WIZ: variants seen among roughly 807,000 people sequenced by gnomAD.
WIZ encodes the protein protein Wiz.
In WIZ, 25 loss-of-function variants were observed where a neutral mutation model predicts 140.2. That is an observed-to-expected ratio of 0.18 (90% CI 0.13 to 0.25). The LOEUF is 0.25. Among genes scored for constraint, WIZ ranks in the 10% least tolerant of loss-of-function variants. WIZ has a pLI of 1.00. For missense variants in WIZ, 2,231 were observed against 2,632.6 expected (o/e 0.85, Z 3.34); for synonymous variants, 1,125 against 1,154.3 (o/e 0.97, Z 0.51).
At chr19:15,433,976 C>T (rs1222761939) in intron 5 of WIZ, among the ~76,000 whole-genome samples, 5 of 152,166 alleles carry the variant, frequency 3.3e-5, no homozygotes, top group Non-Finnish European at 5.9e-5. Context: ...CCGAAGGGGC[C>T]GGGTGCGGTG....
At chr19:15,434,658 C>G (rs1158961062) in intron 5 of WIZ, among the ~76,000 whole-genome samples, 2 of 152,204 alleles carry the variant, frequency 1.3e-5, no homozygotes, top group African/African-American at 2.4e-5. Flanking sequence ...GGCGATACCC[C>G]CTGTTCAGAC....
chr19:15,427,152 C>A lies in WIZ; in HGVS notation c.4196G>T (p.Arg1399Leu), dbSNP rs1372364515. Residue 1399 changes from arginine to leucine, a missense_variant, in exon 9 of 13, where the codon CGA becomes CTA. Around this residue, in one of 15 missense-constraint regions of WIZ, gnomAD observed 393 missense variants for 451.7 expected, o/e 0.87. Coordinates refer to ENST00000673675, the MANE Select transcript of WIZ (RefSeq NM_001371589.1). This position sits in a 1 kb window ranked among gnomAD's most constrained non-coding sequence, Gnocchi z 6.4. ...TGCAGCCAGGCCTGGGAACATCTTT[C>A]GGGCCGTAGGAGGAGGAGAGGCAGT... ...SPTASPPPTA[R>L]KMFPGLAAPS... 6 of 1,614,178 alleles carry A rather than the reference C, an allele frequency of 3.7e-6. No homozygotes were observed. The East Asian group carries it at 8.9e-5, about 24-fold the overall frequency.
chr19:15,447,937 C>T (rs1225623121), intron 2 of WIZ, among the ~76,000 whole-genome samples, 166 bp downstream of exon 2: 1 of 152,152 alleles, frequency 6.6e-6, no homozygotes, highest in Non-Finnish European at 1.5e-5. Flanking sequence ...CACCTGTTTT[C>T]ACAACTGTCA....
At chr19:15,446,774 G>A (rs1202181455) in intron 2 of WIZ, among the ~76,000 whole-genome samples, 4 of 152,180 alleles carry the variant, frequency 2.6e-5, no homozygotes, top group African/African-American at 7.2e-5. Context: ...GTCATAACAC[G>A]GTATCATAAC....
Position 15,429,576 on chromosome 19 carries a change from C to T in WIZ, c.3415+10G>A. 7.3e-7 allele frequency: 1 copy of T among 1,363,840 alleles called. No homozygotes were observed. The highest frequency in any genetic ancestry group is 1.9e-5 in the South Asian group (1 of 52,592). The allele number at this position is 1,363,840 out of a possible 1,614,324, so 84.5% of individuals were successfully genotyped here. ...CAGAACCTCCCTCGGCTCTTGGGAC[C>T]CACACTCACTGAGGTTCAAGGGCCC... On this transcript the variant is annotated intron_variant, in intron 7 of 12. Transcript: ENST00000673675.
chr19:15,443,455 T>C (rs1829351577), intron 2 of WIZ, among the ~76,000 whole-genome samples: 1 of 152,174 alleles, frequency 6.6e-6, no homozygotes, highest in Non-Finnish European at 1.5e-5. Flanking sequence ...CTCTCTCTCC[T>C]GGCCCTTCAA....
intron 9 of WIZ, 90 bp downstream of exon 9, chr19:15,426,892 C>A (rs1968857403): frequency 8.1e-6 from 12 of 1,476,264 alleles, no homozygotes; most frequent in South Asian, 2.7e-5. Context: ...CCTTCCAATT[C>A]AACCCTAGGC....
At chr19:15,430,288 A>G (rs1969148256) in intron 6 of WIZ, among the ~76,000 whole-genome samples, 199 bp from the exon 7 acceptor site, 1 of 152,210 alleles carries the variant, frequency 6.6e-6, no homozygotes, top group Non-Finnish European at 1.5e-5. Context: ...AGAAACTGAG[A>G]CTCAGAGAGG....
Position 15,439,087 on chromosome 19 carries a change from G to C in WIZ, c.1907C>G (p.Pro636Arg). Residue 636 changes from proline to arginine, a missense_variant, in exon 4 of 13, where the codon CCT becomes CGT. Pro to Arg is a moderately radical substitution (Grantham distance 103). This residue lies in a region of WIZ where 475 missense variants were observed against 520.2 expected (regional missense o/e 0.91). Transcript: ENST00000673675. This position sits in a 1 kb window ranked among gnomAD's most constrained non-coding sequence, Gnocchi z 7.0. ...VVLTSEMDFSPENGVFSPLAT... is the reference protein window; with the variant it reads ...VVLTSEMDFSRENGVFSPLAT... ...TAGGGGTGAAAAGACCCCATTTTCA[G>C]GGGAAAAATCCATCTCGGAGGTCAG... 1.3e-6 allele frequency: 2 copies of C among 1,486,050 alleles called. No individual in the cohort carries two copies. The highest frequency in any genetic ancestry group is 2.6e-5 in the South Asian group (2 of 77,692). 92.1% of individuals were successfully genotyped at this position (1,486,050 alleles called of 1,614,324 possible).
intron 9 of WIZ, 22 bp from the exon 10 acceptor site, chr19:15,425,790 GGGA>G (rs1458161961): frequency 8.6e-6 from 12 of 1,393,792 alleles, no homozygotes; most frequent in Non-Finnish European, 1.1e-5. Flanking sequence ...CCAGGGTAGG[GGGA>G]AGGAGGAGGA....
intron 1 of WIZ, chr19:15,449,362 C>T (rs897572070): frequency 6.6e-6 from 1 of 152,268 alleles, no homozygotes; most frequent in African/African-American, 2.4e-5. Flanking sequence ...CTACCCAGGC[C>T]CGGAGGAAGC....
chr19:15,423,222 C>G lies in WIZ; in HGVS notation c.5524G>C (p.Glu1842Gln). 6.2e-7 allele frequency: 1 copy of G among 1,613,614 alleles called. No homozygotes were observed. Among genetic ancestry groups the G allele is most frequent in the Non-Finnish European group, 8.5e-7 (1 of 1,179,886 alleles). ...TGGATGGAGAGGGGGCCCTGGAATT[C>G]CACCTCACAGAACCTGCATGGGGGA... ...YTLKCRFCEV[E>Q]FQGPLSIQEE... Residue 1842 changes from glutamate (E) to glutamine (Q), a missense_variant, in exon 13 of 13, where the codon GAA (glutamate) becomes CAA (glutamine). Coordinates refer to ENST00000673675, the MANE Select transcript of WIZ (RefSeq NM_001371589.1).
Position 15,423,130 on chromosome 19 carries a change from T to G in WIZ, c.5616A>C (p.Pro1872=). The G allele has an allele frequency of 6.2e-7, 1 of 1,612,492 alleles. No homozygotes were observed. The highest frequency in any genetic ancestry group is 1.1e-5 in the South Asian group (1 of 91,002). The change falls in exon 13 of 13, where the codon CCA becomes CCC. Residue 1872 remains proline (P), a synonymous_variant. Coordinates refer to ENST00000673675, the MANE Select transcript of WIZ (RefSeq NM_001371589.1). ...CCTGCGGGGCCTGGGACTCCTCAGG[T>G]GGGGGGTCCGCTTTGGAGAAGTTCA... The part of the protein sequence containing the change: ...LEMNFSKADP[P]PEESQAPQAQ...
rs973507660 is a variant in WIZ at position 15,422,992 on chromosome 19, AG to A, written c.*83del. The A allele has an allele frequency of 3.9e-4, 599 of 1,535,238 alleles. 1 individual carries two copies. In the Middle Eastern group the frequency reaches 8.0e-3, roughly 21 times the overall value. ...TTGGCTTGCTCCTTTGGAAACGGAA[AG>A]AAAGAGGAAGAGGGACAAGGACACA... On this transcript the variant is annotated 3_prime_UTR_variant, in exon 13 of 13. Coordinates refer to ENST00000673675, the MANE Select transcript of WIZ (RefSeq NM_001371589.1).
rs1599698352 is a variant in WIZ at position 15,438,744 on chromosome 19, T to C, written c.2250A>G (p.Lys750=). The part of the protein sequence containing the change: ...PAMALKHEER[K]CPYCPDRFHN... Reference sequence around the variant, plus strand: ...GGAAGCGATCGGGGCAGTAGGGGCATTTCCGCTCCTCGTGCTTCAGTGCCA... The same window carrying C: ...GGAAGCGATCGGGGCAGTAGGGGCACTTCCGCTCCTCGTGCTTCAGTGCCA... The change falls in exon 4 of 13, where the codon AAA becomes AAG. Residue 750 remains lysine, a synonymous_variant. Transcript: ENST00000673675. The C allele has an allele frequency of 1.3e-6, 2 of 1,535,740 alleles. No homozygotes were observed. The highest frequency in any genetic ancestry group is 3.9e-5 in the Admixed American group (2 of 50,980).
chr19:15,444,524 A>T (rs968697463), intron 2 of WIZ, among the ~76,000 whole-genome samples: 1 of 152,150 alleles, frequency 6.6e-6, no homozygotes, highest in Non-Finnish European at 1.5e-5. Flanking sequence ...CGGTCATGAC[A>T]ACCAAAATTG....
intron 5 of WIZ, among the ~76,000 whole-genome samples, chr19:15,434,282 C>A (rs1031799573): frequency 7.1e-6 from 1 of 140,466 alleles, no homozygotes; most frequent in Non-Finnish European, 1.5e-5. Flanking sequence ...AAAAAAAGGG[C>A]CAGGCGTGGT....
At chr19:15,438,328 G>A (rs1969592973) in intron 4 of WIZ, among the ~76,000 whole-genome samples, 1 of 152,160 alleles carries the variant, frequency 6.6e-6, no homozygotes, top group Non-Finnish European at 1.5e-5. Context: ...GTTGAATGGA[G>A]GAATGAATGA....
Position 15,431,082 on chromosome 19 carries a change from G to A in WIZ, c.2841C>T (p.Ala947=). 6.5e-7 allele frequency: 1 copy of A among 1,535,864 alleles called. No individual in the cohort carries two copies. Among genetic ancestry groups the A allele is most frequent in the Non-Finnish European group, 8.7e-7 (1 of 1,146,786 alleles). ...CAGCCACTTTGCTGCTCAGCCGACTGGCCACCTGCTCCAGGGCCCCAGGGA... is the reference window on the plus strand; with the variant it reads ...CAGCCACTTTGCTGCTCAGCCGACTAGCCACCTGCTCCAGGGCCCCAGGGA... ...LPVPGALEQV[A]SRLSSKVAAE... The change falls in exon 6 of 13, where the codon GCC becomes GCT. Residue 947 remains alanine, a synonymous_variant. Transcript: ENST00000673675.
Sources: allele counts gnomAD v4.1 joint callset (sites outside exome capture counted in the v4.1 genomes callset), GRCh38; gene constraint gnomAD v4.1.1; regional missense constraint gnomAD v4.1.1; non-coding constraint Gnocchi (gnomAD v3.1); transcripts MANE v1.5; gene names NCBI Gene and HGNC (gene_info 2026-07-23, HGNC 2026-07-21).